Variants in ATRN observed in about 807,000 individuals in gnomAD.
The protein encoded by ATRN is attractin-2.
In ATRN, 54 loss-of-function variants were observed where a neutral mutation model predicts 178.7. The observed-to-expected ratio is 0.30, with a 90% confidence interval of 0.24 to 0.38. The LOEUF is 0.38. Ranked by LOEUF, ATRN falls within the 10% of genes least tolerant of loss-of-function variation. The pLI, the probability that ATRN is intolerant of heterozygous loss-of-function variation, is 1.00. For missense variants in ATRN, 1,443 were observed against 1,815.1 expected, an observed-to-expected ratio of 0.79 and a Z score of 3.73; for synonymous variants, 636 against 663.0, an observed-to-expected ratio of 0.96 and a Z score of 0.63.
At chr20:3,582,088 A>C in intron 15 of ATRN, 47 bp from the exon 16 acceptor site, 1 of 1,540,338 alleles carries the variant, frequency 6.5e-7, no homozygotes, top group Non-Finnish European at 9.0e-7. Flanking sequence ...ATTTAAATTA[A>C]AAAAAGATAC....
At chr20:3,644,628 TG>T (rs2146328725) in intron 28 of ATRN, among the ~76,000 whole-genome samples, 1 of 152,308 alleles carries the variant, frequency 6.6e-6, no homozygotes, top group South Asian at 2.1e-4. Flanking sequence ...CCCCTGAATC[TG>T]GGTGTGCTCC....
intron 1 of ATRN, among the ~76,000 whole-genome samples, chr20:3,498,553 A>G (rs969185252): frequency 2.0e-5 from 3 of 152,034 alleles, no homozygotes; most frequent in African/African-American, 7.2e-5. Flanking sequence ...AATGTAATCC[A>G]GCATATAAAC....
At chr20:3,507,884 T>G (rs2085069439) in intron 1 of ATRN, among the ~76,000 whole-genome samples, 1 of 151,868 alleles carries the variant, frequency 6.6e-6, no homozygotes. Flanking sequence ...AAAATTAGTT[T>G]TAGCGAAACG....
Position 3,471,473 on chromosome 20 carries a change from C to A in ATRN, c.366C>A (p.Ala122=). 1 of 1,412,650 alleles carries A rather than the reference C, an allele frequency of 7.1e-7. No homozygotes were observed. Among genetic ancestry groups the A allele is most frequent in the Non-Finnish European group, 9.2e-7 (1 of 1,092,192 alleles). 87.5% of individuals were successfully genotyped at this position (1,412,650 alleles called of 1,614,324 possible). A position where few individuals can be genotyped will look rare whatever the true frequency, so the allele number is the denominator to read the frequency against. ...GCACCGGCCAGTGCGTCTGCCCCGC[C>A]GGCTGGGTGGGCGAGCAATGCCAGC... ...NPGTGQCVCP[A]GWVGEQCQHC... is the part of the protein sequence containing the mutation. The change falls in exon 1 of 29, where the codon GCC becomes GCA. Residue 122 remains alanine (A), a synonymous_variant. Coordinates refer to ENST00000262919, the MANE Select transcript of ATRN (RefSeq NM_139321.3).
chr20:3,629,953 G>A (rs898022149), intron 25 of ATRN, among the ~76,000 whole-genome samples: 7 of 151,852 alleles, frequency 4.6e-5, no homozygotes, highest in African/African-American at 1.7e-4. Flanking sequence ...TTTTTTTATT[G>A]AGGTTTCATT....
At chr20:3,608,833 G>A (rs185810222) in intron 24 of ATRN, among the ~76,000 whole-genome samples, 1 of 152,194 alleles carries the variant, frequency 6.6e-6, no homozygotes, top group African/African-American at 2.4e-5. Context: ...CATGTGCAGT[G>A]GTGGGTGCCT....
At chr20:3,522,997 C>T (rs6051914) in intron 1 of ATRN, among the ~76,000 whole-genome samples, 8,259 of 152,008 alleles carry the variant, frequency 0.054, 620 homozygotes, top group African/African-American at 0.17. Flanking sequence ...AAAACAAGAA[C>T]GCCTCTTCTT....
intron 1 of ATRN, among the ~76,000 whole-genome samples, chr20:3,517,520 A>G (rs2085222004): frequency 1.3e-5 from 2 of 151,434 alleles, no homozygotes; most frequent in Admixed American, 1.3e-4. Flanking sequence ...AAAATTAAAC[A>G]AAATTTTTGG....
intron 6 of ATRN, among the ~76,000 whole-genome samples, chr20:3,555,911 A>G (rs1043674104): frequency 6.6e-6 from 1 of 152,228 alleles, no homozygotes; most frequent in Non-Finnish European, 1.5e-5. Context: ...TCATGGAGGA[A>G]AAGCAGCTTC....
chr20:3,531,812 C>T (rs1464484254), intron 1 of ATRN, among the ~76,000 whole-genome samples: 2 of 152,034 alleles, frequency 1.3e-5, no homozygotes, highest in African/African-American at 4.8e-5. Context: ...ACAACAACAA[C>T]AACAACAACA....
At chr20:3,627,659 T>G (rs2086953259) in intron 25 of ATRN, among the ~76,000 whole-genome samples, 1 of 152,152 alleles carries the variant, frequency 6.6e-6, no homozygotes, top group Non-Finnish European at 1.5e-5. Context: ...CCCGCAGACG[T>G]TTTTTTCCTC....
Position 3,649,197 on chromosome 20 carries a change from A to G in ATRN, c.*2350A>G, listed in dbSNP as rs1177400948. 1 of 152,388 alleles carries G rather than the reference A, an allele frequency of 6.6e-6. No individual in the cohort carries two copies. The highest frequency in any genetic ancestry group is 1.5e-5 in the Non-Finnish European group (1 of 68,032). 9.4% of individuals were successfully genotyped at this position (152,388 alleles called of 1,614,324 possible). ...AGGGAGTAAGAGGCGCTGGGCTCGG[A>G]GCCTGTTTCCAAGAAGGAATTGGTT... On this transcript the variant is annotated 3_prime_UTR_variant, in exon 29 of 29. Coordinates refer to ENST00000262919, the MANE Select transcript of ATRN (RefSeq NM_139321.3).
chr20:3,489,641 C>T, intron 1 of ATRN: 1 of 1,473,196 alleles, frequency 6.8e-7, no homozygotes, highest in Non-Finnish European at 9.5e-7. Flanking sequence ...CTGAAGCCTT[C>T]TGCAATTTGA....
Position 3,471,073 on chromosome 20 carries a change from A to T in ATRN, c.-35A>T, listed in dbSNP as rs537694946. 2.7e-6 allele frequency: 4 copies of T among 1,484,292 alleles called. No homozygotes were observed. Among genetic ancestry groups the T allele is most frequent in the African/African-American group, 1.5e-5 (1 of 68,516 alleles). The allele number at this position is 1,484,292 out of a possible 1,614,324, so 91.9% of individuals were successfully genotyped here. A position where few individuals can be genotyped will look rare whatever the true frequency, so the allele number is the denominator to read the frequency against. ...GGAGCCGGCCGTGCGGTGTGTGTGT[A>T]TGTGTTCGCGGGGCGCCGTCTCAGC... On this transcript the variant is annotated 5_prime_UTR_variant, in exon 1 of 29. The change abolishes an upstream ATG in the 5' untranslated region. Transcript: ENST00000262919.
chr20:3,634,164 G>A (rs2087008541), intron 25 of ATRN, 147 bp from the exon 26 acceptor site: 2 of 647,742 alleles, frequency 3.1e-6, no homozygotes, highest in South Asian at 2.0e-5. Flanking sequence ...TACCTCCTGA[G>A]CCGGCACATT....
At chr20:3,537,487 CTTG>C (rs200263581) in intron 2 of ATRN, among the ~76,000 whole-genome samples, 14,551 of 141,194 alleles carry the variant, frequency 0.1, 1,000 homozygotes, top group African/African-American at 0.21. Context: ...ATATTTTTTT[CTTG>C]TTTTTTTTTT....
At chr20:3,541,752 A>G (rs1250907301) in intron 3 of ATRN, among the ~76,000 whole-genome samples, 1 of 152,178 alleles carries the variant, frequency 6.6e-6, no homozygotes, top group Admixed American at 6.5e-5. Context: ...TTTTCCTAAA[A>G]TGCATTTCCC....
chr20:3,592,958 T>C (rs1470334562), intron 19 of ATRN, among the ~76,000 whole-genome samples: 1 of 152,216 alleles, frequency 6.6e-6, no homozygotes, highest in South Asian at 2.1e-4. Context: ...GTGAATAGAC[T>C]TAATCCGTTA....
rs1466882482 is a variant in ATRN, at chr20:3,644,194, A to G, written c.4091A>G (p.Asn1364Ser). The change falls in exon 28 of 29, where the codon AAC (asparagine) becomes AGC (serine). Residue 1364 changes from asparagine to serine, a missense_variant. Asn to Ser is a conservative substitution (Grantham distance 46). This residue lies in a region of ATRN where 289 missense variants were observed against 440.8 expected (regional missense o/e 0.66). Coordinates refer to ENST00000262919, the MANE Select transcript of ATRN (RefSeq NM_139321.3). ...ATTGCACTGGAGCCGTGTTTTGGCAACAAAGCCGCTGTCCTCTCTGTGTTT... is the reference window on the plus strand; with the variant it reads ...ATTGCACTGGAGCCGTGTTTTGGCAGCAAAGCCGCTGTCCTCTCTGTGTTT... ...KPIALEPCFG[N>S]KAAVLSVFVR... 3 of 1,614,234 alleles carry G rather than the reference A, an allele frequency of 1.9e-6. No homozygotes were observed. Among genetic ancestry groups the G allele is most frequent in the Middle Eastern group, 3.3e-4 (2 of 6,062 alleles).
Sources: gnomAD v4.1 joint callset for allele counts (sites outside exome capture counted in the v4.1 genomes callset) on GRCh38, gnomAD v4.1.1 for gene constraint, gnomAD v4.1.1 regional missense constraint, MANE v1.5 for transcripts, NCBI Gene and HGNC (gene_info 2026-07-23, HGNC 2026-07-21) for gene names.